Variants in VASH1 observed in about 807,000 individuals in gnomAD.
The protein encoded by VASH1 is tubulinyl-Tyr carboxypeptidase 1.
VASH1 carries 16 observed loss-of-function variants against 35.0 expected under a neutral mutation model. The observed-to-expected ratio is 0.46, with a 90% CI of 0.31 to 0.70. The LOEUF (loss-of-function observed/expected upper bound fraction) is 0.70. Ranked by LOEUF, VASH1 falls within the 30% of genes least tolerant of loss-of-function variation. The pLI is 0.05. For missense variants in VASH1, 505 were observed against 510.7 expected (o/e 0.99, Z 0.11); for synonymous variants, 214 against 200.9 (o/e 1.07, Z -0.55).
rs1003451444 is a variant in VASH1 at position 76,769,503 on chromosome 14, C to T, written c.310-460C>T. ...TCCCCTACCAAGGATGCTCACCCCC[C>T]TCAGGACCACTCCCAAAGCCTAGGG... On this transcript the variant is annotated intron_variant, in intron 1 of 6. Coordinates refer to ENST00000167106, the MANE Select transcript of VASH1 (RefSeq NM_014909.5). The T allele has an allele frequency of 5.4e-6, 7 of 1,287,462 alleles. 1 individual carries two copies. The East Asian group carries it at 2.8e-4, about 51-fold the overall frequency. 79.8% of individuals were successfully genotyped at this position (1,287,462 alleles called of 1,614,324 possible).
Position 76,778,922 on chromosome 14 carries a change from C to T in VASH1, c.1026-24C>T, listed in dbSNP as rs143488796. On this transcript the variant is annotated intron_variant, in intron 6 of 6. Transcript: ENST00000167106. ...CCTAACAGACCACTCACTCTCCTCCCGCTCTGCTCTCTTCCTCCCACAGGC... is the reference window on the plus strand; with the variant it reads ...CCTAACAGACCACTCACTCTCCTCCTGCTCTGCTCTCTTCCTCCCACAGGC... 219 of 1,612,734 alleles carry T rather than the reference C, an allele frequency of 1.4e-4. 1 individual carries two copies. In the African/African-American group the frequency reaches 1.8e-3, roughly 13 times the overall value.
At chr14:76,775,859 TC>T (rs1272410866) in intron 4 of VASH1, 32 bp from the exon 5 acceptor site, 21 of 1,519,918 alleles carry the variant, frequency 1.4e-5, no homozygotes, top group Non-Finnish European at 1.9e-5. Flanking sequence ...CCCGTGCTTC[TC>T]CTGGCTCTTT....
At chr14:76,770,371 T>TC (rs1893760638) in intron 2 of VASH1, among the ~76,000 whole-genome samples, 1 of 102,986 alleles carries the variant, frequency 9.7e-6, no homozygotes, top group African/African-American at 3.2e-5. Context: ...TCTAGATAGA[T>TC]CTGCTCTGTT....
intron 2 of VASH1, 76 bp from the exon 3 acceptor site, chr14:76,771,114 G>C: frequency 1.5e-6 from 2 of 1,374,332 alleles, no homozygotes; most frequent in Admixed American, 5.1e-5. Flanking sequence ...CTTGGCTCTT[G>C]AGCTTCAGGA....
chr14:76,772,951 C>A (rs1893832322), intron 3 of VASH1, among the ~76,000 whole-genome samples, 186 bp from the exon 4 acceptor site: 1 of 152,238 alleles, frequency 6.6e-6, no homozygotes, highest in Admixed American at 6.5e-5. Flanking sequence ...CTCTTTCCCA[C>A]CCCCTCAGGC....
chr14:76,778,461 G>T lies in VASH1; in HGVS notation c.1025+390G>T, dbSNP rs183391497. ...GTTTTTGTCTGTATCCAGGTAGCAAGAACAAGCCATTGAAATACCAGCTCT... is the reference window on the plus strand; with the variant it reads ...GTTTTTGTCTGTATCCAGGTAGCAATAACAAGCCATTGAAATACCAGCTCT... On this transcript the variant is annotated intron_variant, in intron 6 of 6. Transcript: ENST00000167106. Among the ~76,000 whole-genome samples the T allele has an allele frequency of 2.3e-4, 35 of 152,248 alleles. No individual in the cohort carries two copies. In the East Asian group the frequency reaches 6.2e-3, roughly 27 times the overall value.
rs1893989441 is a variant in VASH1, at chr14:76,777,963, G to GC, written c.918dup (p.Lys307GlnfsTer34). Reference sequence around the variant, plus strand: ...TGCTTCCTCCTCTGCACCTAGATTGGCAAAGGGACGGGCCCTCCCTCTCCC... The same window carrying GC: ...TGCTTCCTCCTCTGCACCTAGATTGGCCAAAGGGACGGGCCCTCCCTCTCCC... On this transcript the variant is annotated frameshift_variant, in exon 6 of 7. Transcript: ENST00000167106. LOFTEE classifies it high-confidence loss of function. 1 of 1,518,370 alleles carries GC rather than the reference G, an allele frequency of 6.6e-7. No homozygotes were observed. The highest frequency in any genetic ancestry group is 1.4e-5 in the African/African-American group (1 of 70,514). 94.1% of individuals were successfully genotyped at this position (1,518,370 alleles called of 1,614,324 possible).
intron 1 of VASH1, among the ~76,000 whole-genome samples, chr14:76,768,940 A>G (rs1026287385): frequency 2.0e-5 from 3 of 152,154 alleles, no homozygotes; most frequent in African/African-American, 7.2e-5. Flanking sequence ...TTTCCCTGGA[A>G]GTCTGGTTCT....
At chr14:76,774,719 T>C (rs1404995057) in intron 4 of VASH1, 1 of 152,352 alleles carries the variant, frequency 6.6e-6, no homozygotes, top group Admixed American at 6.5e-5. Flanking sequence ...CATCGCTGTA[T>C]CCTTGGTCAC....
chr14:76,769,473 G>C (rs757483769), intron 1 of VASH1: 1 of 1,288,908 alleles, frequency 7.8e-7, no homozygotes, highest in South Asian at 1.2e-5. Flanking sequence ...ATGATACTGG[G>C]TGGGTCCCCT....
chr14:76,762,312 C>T lies in VASH1; in HGVS notation c.-510C>T, dbSNP rs1013460296. ...GAGCTCGCGCGGCCGGGAGTCGCCT[C>T]GGTCTTCCTTGGGGCGCGCGCAGAT... On this transcript the variant is annotated 5_prime_UTR_variant, in exon 1 of 7. Coordinates refer to ENST00000167106, the MANE Select transcript of VASH1 (RefSeq NM_014909.5). 1.0e-4 allele frequency: 16 copies of T among 152,462 alleles called. No individual in the cohort carries two copies. Among genetic ancestry groups the T allele is most frequent in the African/African-American group, 3.4e-4 (14 of 41,596 alleles). 9.4% of individuals were successfully genotyped at this position (152,462 alleles called of 1,614,324 possible).
At position 76,775,883 on chromosome 14, in the gene VASH1, A is replaced by G. The variant is rs1239091352; in HGVS notation, c.531-9A>G. On this transcript the variant is annotated splice_polypyrimidine_tract_variant and intron_variant, in intron 4 of 6. Transcript: ENST00000167106. ...CTCCTGGCTCTTTCCTTAGCGGGGC[A>G]CTGGCCAGTTACCTCACCAACAGCA... The G allele has an allele frequency of 4.5e-6, 7 of 1,555,276 alleles. No individual in the cohort carries two copies. Among genetic ancestry groups the G allele is most frequent in the Middle Eastern group, 3.4e-4 (2 of 5,936 alleles).
chr14:76,778,276 C>T (rs1299885989), intron 6 of VASH1, among the ~76,000 whole-genome samples: 1 of 152,070 alleles, frequency 6.6e-6, no homozygotes, highest in African/African-American at 2.4e-5. Flanking sequence ...CCAGAGAAAC[C>T]AAACTCTGCT....
rs1893789832 is a variant in VASH1, at chr14:76,771,333, TG to T, written c.455+91del. 18 of 1,315,350 alleles carry T rather than the reference TG, an allele frequency of 1.4e-5. No homozygotes were observed. In the South Asian group the frequency reaches 3.1e-4, roughly 23 times the overall value. 81.5% of individuals were successfully genotyped at this position (1,315,350 alleles called of 1,614,324 possible). On this transcript the variant is annotated intron_variant, in intron 3 of 6. Coordinates refer to ENST00000167106, the MANE Select transcript of VASH1 (RefSeq NM_014909.5). Reference sequence around the variant, plus strand: ...TAGTGCACCTTGGAGAGGAAGTTTATGGGGCAGTCAGGGACTCTTCTGAAGG... The same window carrying T: ...TAGTGCACCTTGGAGAGGAAGTTTATGGGCAGTCAGGGACTCTTCTGAAGG...
chr14:76,772,366 C>T (rs1291063285), intron 3 of VASH1, among the ~76,000 whole-genome samples: 1 of 152,226 alleles, frequency 6.6e-6, no homozygotes, highest in Non-Finnish European at 1.5e-5. Context: ...TACTTAATTA[C>T]ACCCTCTCCG....
chr14:76,768,314 G>T (rs183406104), intron 1 of VASH1, among the ~76,000 whole-genome samples: 1 of 152,338 alleles, frequency 6.6e-6, no homozygotes, highest in African/African-American at 2.4e-5. Flanking sequence ...TGTAAGTGGT[G>T]GTGCCAGTTT....
chr14:76,767,275 TAAA>T (rs1893668032), intron 1 of VASH1, among the ~76,000 whole-genome samples: 1 of 151,132 alleles, frequency 6.6e-6, no homozygotes, highest in Non-Finnish European at 1.5e-5. Flanking sequence ...AATAAATAAA[TAAA>T]TAAATAAAAA....
At chr14:76,764,264 G>A (rs966616519) in intron 1 of VASH1, among the ~76,000 whole-genome samples, 4 of 152,228 alleles carry the variant, frequency 2.6e-5, no homozygotes, top group African/African-American at 9.6e-5. Flanking sequence ...ATCAAAGGTT[G>A]AAGGTTTAAA....
chr14:76,777,515 G>A lies in VASH1; in HGVS notation c.913-444G>A, dbSNP rs892100747. Among the ~76,000 whole-genome samples, 4 of 152,188 alleles carry A rather than the reference G, an allele frequency of 2.6e-5. No individual in the cohort carries two copies. The South Asian group carries it at 6.2e-4, about 24-fold the overall frequency. Reference sequence around the variant, plus strand: ...AAGCTGACGGTGCCATATAAAGGATGACTCTTTTGTTTTTCTCATTTTTTT... The same window carrying A: ...AAGCTGACGGTGCCATATAAAGGATAACTCTTTTGTTTTTCTCATTTTTTT... On this transcript the variant is annotated intron_variant, in intron 5 of 6. Transcript: ENST00000167106.
Sources: allele counts gnomAD v4.1 joint callset (sites outside exome capture counted in the v4.1 genomes callset), GRCh38; gene constraint gnomAD v4.1.1; transcripts MANE v1.5; gene names NCBI Gene and HGNC (gene_info 2026-07-23, HGNC 2026-07-21).